NSUN6: variants seen among roughly 807,000 people sequenced by gnomAD.
The protein encoded by NSUN6 is NOP2/Sun RNA methyltransferase 6, also known as tRNA (cytosine(72)-C(5))-methyltransferase NSUN6.
A neutral mutation model predicts 58.0 loss-of-function variants in NSUN6; 64 were observed. That is an observed-to-expected ratio of 1.10 (90% CI 0.90 to 1.36). The LOEUF is 1.36. NSUN6 is among the 40% of genes most tolerant of loss of function. The pLI is 0.00. For synonymous variants in NSUN6, 231 were observed against 193.9 expected, an observed-to-expected ratio of 1.19 and a Z score of -1.59; for missense variants, 701 against 550.1, an observed-to-expected ratio of 1.27 and a Z score of -2.74.
At chr10:18,572,428 CCATTCCATTGTCCA>C (rs2056420884) in intron 8 of NSUN6, among the ~76,000 whole-genome samples, 2 of 143,852 alleles carry the variant, frequency 1.4e-5, no homozygotes, top group African/African-American at 5.8e-5. Context: ...ATTCCATTCC[CCATTCCATTGTCCA>C]TTCCATTCCC....
At chr10:18,593,136 C>A (rs1398463060) in intron 7 of NSUN6, among the ~76,000 whole-genome samples, 1 of 152,148 alleles carries the variant, frequency 6.6e-6, no homozygotes, top group Non-Finnish European at 1.5e-5. Context: ...TAGAGAAATG[C>A]AAATCAAAAC....
intron 7 of NSUN6, among the ~76,000 whole-genome samples, chr10:18,589,203 A>G (rs1043303271): frequency 3.3e-5 from 5 of 152,330 alleles, no homozygotes; most frequent in Non-Finnish European, 5.9e-5. Flanking sequence ...AATAAGGCAT[A>G]AAGACAAGAT....
At chr10:18,565,608 C>A (rs1192238773) in intron 8 of NSUN6, among the ~76,000 whole-genome samples, 1 of 150,926 alleles carries the variant, frequency 6.6e-6, no homozygotes, top group African/African-American at 2.4e-5. Flanking sequence ...TTCTCCATTC[C>A]ATTCTCCATT....
chr10:18,651,908 GAA>G (rs1424921814), upstream of NSUN6: 1 of 985,284 alleles, frequency 1.0e-6, no homozygotes, highest in African/African-American at 1.7e-5. Flanking sequence ...TTGCTGGACT[GAA>G]AAAAGGCACA....
At chr10:18,585,167 T>C (rs923959657) in intron 8 of NSUN6, among the ~76,000 whole-genome samples, 7 of 152,040 alleles carry the variant, frequency 4.6e-5, no homozygotes, top group African/African-American at 1.7e-4. Context: ...CAAAAAATAA[T>C]ATATGCCGGC....
chr10:18,552,274 C>T (rs1405161217), intron 8 of NSUN6, among the ~76,000 whole-genome samples: 1 of 152,106 alleles, frequency 6.6e-6, no homozygotes, highest in East Asian at 1.9e-4. Context: ...AAAGCTAGGA[C>T]TTGGAATTAA....
intron 7 of NSUN6, among the ~76,000 whole-genome samples, chr10:18,594,057 G>A (rs973453192): frequency 6.6e-6 from 1 of 151,770 alleles, no homozygotes; most frequent in Non-Finnish European, 1.5e-5. Flanking sequence ...AAAATTATTC[G>A]GGTGTGGTGG....
intron 8 of NSUN6, among the ~76,000 whole-genome samples, chr10:18,555,571 A>T (rs1462134724): frequency 6.6e-6 from 1 of 151,602 alleles, no homozygotes; most frequent in Non-Finnish European, 1.5e-5. Flanking sequence ...ATGGAATGGA[A>T]TGGAGAATGG....
rs781644645 is a variant in NSUN6, at chr10:18,651,177, CAA to C, written c.25_26del (p.Leu9GlufsTer3). On this transcript the variant is annotated frameshift_variant, in exon 1 of 11. Transcript: ENST00000377304. LOFTEE classifies it high-confidence loss of function. ...TAAGATAGTTTTCAACCTCAGGTCT[CAA>C]AGATATCTTAGGGAAAATAGACATT... is the stretch of plus-strand genomic sequence containing the variant. MSIFPKIS[L>X]RPEVENYLKE... is the part of the protein sequence containing the mutation. 8.9e-6 allele frequency: 14 copies of C among 1,578,186 alleles called. No homozygotes were observed. In the Middle Eastern group the frequency reaches 1.0e-3, roughly 114 times the overall value.
intron 5 of NSUN6, among the ~76,000 whole-genome samples, chr10:18,613,986 G>T (rs916431874): frequency 6.6e-6 from 1 of 152,106 alleles, no homozygotes; most frequent in Non-Finnish European, 1.5e-5. Context: ...TTTTAATTTA[G>T]TTTGAACAAA....
At chr10:18,634,786 AAAAC>A (rs1196002995) in intron 3 of NSUN6, among the ~76,000 whole-genome samples, 1 of 151,958 alleles carries the variant, frequency 6.6e-6, no homozygotes, top group Non-Finnish European at 1.5e-5. Context: ...AACAAAACAA[AAAAC>A]AAACGAATGC....
rs144268180 is a variant in NSUN6, at chr10:18,585,964, C to A, written c.907G>T (p.Val303Leu). The A allele has an allele frequency of 1.1e-5, 17 of 1,605,516 alleles. No homozygotes were observed. In the African/African-American group the frequency reaches 2.1e-4, roughly 20 times the overall value. ...DGTKAVKLDM[V>L]EDTEGEPPFL... ...AATAGCTCACCTTCTGTGTCCTCCACCATATCAAGTTTAACCGCCTTTGTT... is the reference window on the plus strand; with the variant it reads ...AATAGCTCACCTTCTGTGTCCTCCAACATATCAAGTTTAACCGCCTTTGTT... Residue 303 changes from valine (V) to leucine (L), a missense_variant, in exon 8 of 11, where the codon GTG (valine) becomes TTG (leucine). By Grantham distance (32) the Val-to-Leu change is conservative (BLOSUM62 1). Coordinates refer to ENST00000377304, the MANE Select transcript of NSUN6 (RefSeq NM_182543.5).
chr10:18,553,483 GGAATGGAATGGA>G (rs908716865), intron 8 of NSUN6, among the ~76,000 whole-genome samples: 3 of 137,602 alleles, frequency 2.2e-5, no homozygotes, highest in African/African-American at 7.5e-5. Context: ...AATGGAGAAT[GGAATGGAATGGA>G]GAATGGAATG....
intron 6 of NSUN6, among the ~76,000 whole-genome samples, chr10:18,609,385 G>C (rs145955001): frequency 7.7e-4 from 117 of 152,126 alleles, no homozygotes; most frequent in African/African-American, 2.7e-3. Flanking sequence ...ACTTAGGTTT[G>C]AGTTCAGATA....
At chr10:18,562,473 T>C (rs2055593171) in intron 8 of NSUN6, among the ~76,000 whole-genome samples, 1 of 147,400 alleles carries the variant, frequency 6.8e-6, no homozygotes, top group Non-Finnish European at 1.5e-5. Flanking sequence ...GATTGCAGAA[T>C]GGAATGGATT....
intron 6 of NSUN6, among the ~76,000 whole-genome samples, chr10:18,608,940 T>C (rs927170912): frequency 6.6e-6 from 1 of 150,578 alleles, no homozygotes; most frequent in African/African-American, 2.5e-5. Context: ...TGCAAATAGA[T>C]AATAATAAAC....
At position 18,628,102 on chromosome 10, in the gene NSUN6, C is replaced by A. The variant is rs567972453; in HGVS notation, c.312-11809G>T. On this transcript the variant is annotated intron_variant, in intron 3 of 10. Coordinates refer to ENST00000377304, the MANE Select transcript of NSUN6 (RefSeq NM_182543.5). ...CCTCAAGTGGGTCCCTGACCCCTGA[C>A]CCCTGAGCAGCCTAACTGGGAGGCA... 2.6e-3 allele frequency among the ~76,000 whole-genome samples: 399 copies of A among 152,302 alleles called. 1 individual carries two copies. The highest frequency in any genetic ancestry group is 8.5e-3 in the African/African-American group (353 of 41,560).
chr10:18,653,835 C>T (rs1364293160), upstream of NSUN6, among the ~76,000 whole-genome samples: 1 of 152,176 alleles, frequency 6.6e-6, no homozygotes, highest in Non-Finnish European at 1.5e-5. Context: ...TCTATGAATA[C>T]ACCCATATAA....
chr10:18,597,302 CAG>C (rs933850597), intron 6 of NSUN6, among the ~76,000 whole-genome samples: 9 of 152,236 alleles, frequency 5.9e-5, no homozygotes, highest in African/African-American at 1.2e-4. Flanking sequence ...GCAAGAAAAA[CAG>C]AGTCTTATAA....
Sources: allele counts gnomAD v4.1 joint callset (sites outside exome capture counted in the v4.1 genomes callset), GRCh38; gene constraint gnomAD v4.1.1; transcripts MANE v1.5; gene names NCBI Gene and HGNC (gene_info 2026-07-23, HGNC 2026-07-21).